RASAL2: variants seen among roughly 807,000 people sequenced by gnomAD.
RASAL2 encodes the protein RAS protein activator like 2.
Under a neutral mutation model 128.9 loss-of-function variants are expected in RASAL2, and 58 were observed. That is an observed-to-expected ratio of 0.45 (90% CI 0.36 to 0.56). The LOEUF (loss-of-function observed/expected upper bound fraction) is 0.56. RASAL2 is among the 20% of genes least tolerant of loss of function. RASAL2 has a pLI of 0.00. For synonymous variants in RASAL2, 561 were observed against 580.8 expected (o/e 0.97, Z 0.49); for missense variants, 1,360 against 1,601.6 (o/e 0.85, Z 2.57).
At chr1:178,246,406 C>T (rs920031575) in intron 1 of RASAL2, among the ~76,000 whole-genome samples, 1 of 152,048 alleles carries the variant, frequency 6.6e-6, no homozygotes, top group Non-Finnish European at 1.5e-5. Context: ...GTGATTTTTG[C>T]ACATTGATTT....
At chr1:178,330,057 T>C (rs1669218795) in intron 3 of RASAL2, among the ~76,000 whole-genome samples, 1 of 152,204 alleles carries the variant, frequency 6.6e-6, no homozygotes, top group Non-Finnish European at 1.5e-5. Flanking sequence ...ACTAAGTTGC[T>C]TTAATCAGAG....
Position 178,273,939 on chromosome 1 carries a change from C to T in RASAL2, c.203-9625C>T, listed in dbSNP as rs147570515. On this transcript the variant is annotated intron_variant, in intron 1 of 17. Coordinates refer to ENST00000367649, the MANE Select transcript of RASAL2 (RefSeq NM_170692.4). ...CTCATCGAATTGGGTTATCTAATTC[C>T]TAGTGAGTGACGGATAACATTCTTT... Among the ~76,000 whole-genome samples the T allele has an allele frequency of 7.7e-3, 1,170 of 152,172 alleles. 11 individuals carry two copies. Among genetic ancestry groups the T allele is most frequent in the Non-Finnish European group, 9.8e-3 (666 of 68,006 alleles).
chr1:178,296,883 G>A (rs1017677011), intron 2 of RASAL2, among the ~76,000 whole-genome samples: 7 of 151,554 alleles, frequency 4.6e-5, no homozygotes, highest in African/African-American at 1.7e-4. Flanking sequence ...TGTTGGTCAG[G>A]CTGGTCTTGA....
At chr1:178,143,773 G>A (rs543040898) in intron 1 of RASAL2, among the ~76,000 whole-genome samples, 1 of 148,766 alleles carries the variant, frequency 6.7e-6, no homozygotes, top group East Asian at 2.0e-4. Flanking sequence ...TTTTTGACAA[G>A]TAGAATACAT....
At chr1:178,115,977 G>A (rs1212763163) in intron 1 of RASAL2, among the ~76,000 whole-genome samples, 1 of 152,152 alleles carries the variant, frequency 6.6e-6, no homozygotes, top group Non-Finnish European at 1.5e-5. Context: ...CTAGAGGGAT[G>A]TTGGTACTAT....
At chr1:178,220,690 G>A (rs1663584820) in intron 1 of RASAL2, among the ~76,000 whole-genome samples, 1 of 152,174 alleles carries the variant, frequency 6.6e-6, no homozygotes, top group African/African-American at 2.4e-5. Context: ...TTTTCAGATT[G>A]GCTTCTTTAA....
At chr1:178,230,194 G>A (rs189122087) in intron 1 of RASAL2, among the ~76,000 whole-genome samples, 1 of 152,186 alleles carries the variant, frequency 6.6e-6, no homozygotes, top group East Asian at 1.9e-4. Flanking sequence ...AATGTATTTA[G>A]ACATTCTTTT....
intron 1 of RASAL2, among the ~76,000 whole-genome samples, chr1:178,259,988 T>C (rs1665589023): frequency 6.6e-6 from 1 of 152,118 alleles, no homozygotes; most frequent in Non-Finnish European, 1.5e-5. Flanking sequence ...ATTTTAGACC[T>C]AATGATCTTA....
intron 1 of RASAL2, among the ~76,000 whole-genome samples, chr1:178,212,523 ACT>A (rs1407376537): frequency 6.6e-6 from 1 of 151,954 alleles, no homozygotes; most frequent in Non-Finnish European, 1.5e-5. Context: ...ACGGAGTCTC[ACT>A]CTGTCGCTCA....
intron 5 of RASAL2, among the ~76,000 whole-genome samples, chr1:178,436,067 G>A (rs1267164376): frequency 6.6e-6 from 1 of 152,034 alleles, no homozygotes; most frequent in Non-Finnish European, 1.5e-5. Context: ...AGGTAAACAT[G>A]AATTAGAGGA....
chr1:178,192,297 A>G (rs1467440957), intron 1 of RASAL2, among the ~76,000 whole-genome samples: 3 of 152,130 alleles, frequency 2.0e-5, no homozygotes, highest in African/African-American at 7.2e-5. Flanking sequence ...TCTATTATCT[A>G]CTCTGTTAGG....
intron 1 of RASAL2, among the ~76,000 whole-genome samples, chr1:178,098,243 T>C (rs1457350653): frequency 6.6e-6 from 1 of 152,244 alleles, no homozygotes; most frequent in Non-Finnish European, 1.5e-5. Flanking sequence ...TGTTGTATGT[T>C]GATCCGTTTG....
At chr1:178,265,935 A>G (rs1381240662) in intron 1 of RASAL2, among the ~76,000 whole-genome samples, 1 of 152,186 alleles carries the variant, frequency 6.6e-6, no homozygotes, top group Non-Finnish European at 1.5e-5. Flanking sequence ...TTCTATAGTT[A>G]TAGTTCTTTC....
At chr1:178,322,338 T>C (rs1274585179) in intron 3 of RASAL2, among the ~76,000 whole-genome samples, 1 of 152,232 alleles carries the variant, frequency 6.6e-6, no homozygotes, top group Non-Finnish European at 1.5e-5. Context: ...TTCTTTTGCT[T>C]TGTCCTTTCT....
intron 1 of RASAL2, among the ~76,000 whole-genome samples, chr1:178,260,367 TATATATATATATATATATATATATATATA>T (rs1557861640): frequency 2.7e-4 from 1 of 3,644 alleles, no homozygotes; most frequent in Non-Finnish European, 4.7e-4. Context: ...AAAAAAAATA[TATATATATATATATATATATATATATATA>T]TATATATATA....
chr1:178,203,637 G>A (rs1662946185), intron 1 of RASAL2, among the ~76,000 whole-genome samples: 1 of 152,164 alleles, frequency 6.6e-6, no homozygotes, highest in South Asian at 2.1e-4. Context: ...CCACCAGGAG[G>A]CACAACAGTG....
At chr1:178,336,947 G>T (rs1226296673) in intron 3 of RASAL2, among the ~76,000 whole-genome samples, 2 of 151,940 alleles carry the variant, frequency 1.3e-5, no homozygotes, top group Non-Finnish European at 2.9e-5. Flanking sequence ...TTTAGATTTT[G>T]CTTATTATTA....
At chr1:178,377,786 G>T (rs1259049961) in intron 3 of RASAL2, among the ~76,000 whole-genome samples, 3 of 152,114 alleles carry the variant, frequency 2.0e-5, no homozygotes, top group Non-Finnish European at 2.9e-5. Flanking sequence ...TCAGAGATAG[G>T]AAGTGGGTAA....
At chr1:178,285,245 C>T (rs1002410246) in intron 2 of RASAL2, among the ~76,000 whole-genome samples, 5 of 151,326 alleles carry the variant, frequency 3.3e-5, no homozygotes, top group East Asian at 3.9e-4. Context: ...CTCAGCCTCC[C>T]GAGTAGCTGG....
Sources: gnomAD v4.1 joint callset for allele counts (sites outside exome capture counted in the v4.1 genomes callset) on GRCh38, gnomAD v4.1.1 for gene constraint, MANE v1.5 for transcripts, NCBI Gene and HGNC (gene_info 2026-07-23, HGNC 2026-07-21) for gene names.